Variants in SYT16 observed in about 807,000 individuals in gnomAD.
SYT16 encodes synaptotagmin-16.
Under a neutral mutation model 61.4 loss-of-function variants are expected in SYT16, and 42 were observed. The observed-to-expected ratio is 0.68, with a 90% confidence interval of 0.53 to 0.89. SYT16 has a LOEUF of 0.89. Ranked by LOEUF, SYT16 falls within the 40% of genes least tolerant of loss-of-function variation. The pLI, the probability that SYT16 is intolerant of heterozygous loss-of-function variation, is 0.00. For synonymous variants in SYT16, 314 were observed against 302.3 expected, an observed-to-expected ratio of 1.04 and a Z score of -0.40; for missense variants, 804 against 807.3, an observed-to-expected ratio of 1.00 and a Z score of 0.05.
rs1013928290 is a variant in SYT16, at chr14:62,112,026, AT to A, written c.*11325del. On this transcript the variant is annotated 3_prime_UTR_variant, in exon 8 of 8. Transcript: ENST00000683842. Reference sequence around the variant, plus strand: ...TTTGTGTATAGGAAAAGGTGTGGAAATTTTTTAATTGTTAAAAACTGGAATA... The same window carrying A: ...TTTGTGTATAGGAAAAGGTGTGGAAATTTTTAATTGTTAAAAACTGGAATA... 1 of 152,104 alleles carries A rather than the reference AT, an allele frequency of 6.6e-6. No homozygotes were observed. Among genetic ancestry groups the A allele is most frequent in the Non-Finnish European group, 1.5e-5 (1 of 67,976 alleles). The allele number at this position is 152,104 out of a possible 1,614,324, so 9.4% of individuals were successfully genotyped here.
At chr14:61,912,856 G>A (rs1174233230) in intron 1 of SYT16, among the ~76,000 whole-genome samples, 3 of 152,168 alleles carry the variant, frequency 2.0e-5, no homozygotes, top group Non-Finnish European at 4.4e-5. Context: ...GACAGAAACA[G>A]AATGAACTAA....
At chr14:61,916,950 A>G (rs1002123934) in intron 1 of SYT16, among the ~76,000 whole-genome samples, 4 of 152,120 alleles carry the variant, frequency 2.6e-5, no homozygotes, top group African/African-American at 9.7e-5. Flanking sequence ...ATAGTATTTT[A>G]TTGTGTATAT....
intron 3 of SYT16, among the ~76,000 whole-genome samples, chr14:62,047,104 C>G (rs2055027153): frequency 6.6e-6 from 1 of 150,970 alleles, no homozygotes; most frequent in Non-Finnish European, 1.5e-5. Flanking sequence ...TGTTTGTATC[C>G]TCTTTCATTG....
At chr14:61,948,043 C>G (rs1253571654) in intron 1 of SYT16, among the ~76,000 whole-genome samples, 1 of 152,102 alleles carries the variant, frequency 6.6e-6, no homozygotes, top group Non-Finnish European at 1.5e-5. Flanking sequence ...GCTTGGTAAC[C>G]AAACTGGAAA....
At chr14:61,823,111 G>C (rs941469511) in intron 1 of SYT16, among the ~76,000 whole-genome samples, 1 of 152,052 alleles carries the variant, frequency 6.6e-6, no homozygotes, top group Non-Finnish European at 1.5e-5. Flanking sequence ...TCCTGCCTCA[G>C]CCTCCTGAGT....
intron 3 of SYT16, among the ~76,000 whole-genome samples, chr14:62,013,990 T>TC (rs1166192977): frequency 6.6e-6 from 1 of 151,842 alleles, no homozygotes; most frequent in East Asian, 1.9e-4. Context: ...TGTTGACTAT[T>TC]CCCCCCATGA....
rs2057518723 is a variant in SYT16 at position 62,106,635 on chromosome 14, T to C, written c.*5928T>C. 1 of 152,212 alleles carries C rather than the reference T, an allele frequency of 6.6e-6. No homozygotes were observed. The highest frequency in any genetic ancestry group is 2.4e-5 in the African/African-American group (1 of 41,456). The allele number at this position is 152,212 out of a possible 1,614,324, so 9.4% of individuals were successfully genotyped here. A position where few individuals can be genotyped will look rare whatever the true frequency, so the allele number is the denominator to read the frequency against. On this transcript the variant is annotated 3_prime_UTR_variant, in exon 8 of 8. Transcript: ENST00000683842. ...TGGACATTTTTTCCACATTGATTTT[T>C]CTCTGCATCATAGAAAGTTTTCTCT...
chr14:61,899,547 G>A (rs572161177), intron 1 of SYT16, among the ~76,000 whole-genome samples: 3 of 152,206 alleles, frequency 2.0e-5, no homozygotes, highest in Non-Finnish European at 4.4e-5. Context: ...AAGGTACAAA[G>A]CATCAGTAAG....
At chr14:62,042,014 CT>C (rs1396225686) in intron 3 of SYT16, among the ~76,000 whole-genome samples, 1 of 152,160 alleles carries the variant, frequency 6.6e-6, no homozygotes, top group African/African-American at 2.4e-5. Context: ...CAGGTTCAAT[CT>C]GTTGTCTAGT....
At chr14:62,085,142 C>T (rs982952649) in intron 7 of SYT16, among the ~76,000 whole-genome samples, 3 of 152,144 alleles carry the variant, frequency 2.0e-5, no homozygotes, top group Non-Finnish European at 2.9e-5. Flanking sequence ...TCAGTTGCCT[C>T]AACAGCCTCT....
chr14:61,847,675 C>T (rs2046484726), intron 1 of SYT16, among the ~76,000 whole-genome samples: 1 of 152,168 alleles, frequency 6.6e-6, no homozygotes, highest in South Asian at 2.1e-4. Context: ...TCCATCTCCT[C>T]TTTATGGCCA....
chr14:62,074,433 T>C (rs1027675927), intron 4 of SYT16, among the ~76,000 whole-genome samples: 1 of 151,830 alleles, frequency 6.6e-6, no homozygotes, highest in Non-Finnish European at 1.5e-5. Flanking sequence ...CAGTGGAAAA[T>C]GGGGTTGGAT....
At chr14:61,936,325 A>C (rs2049979749) in intron 1 of SYT16, among the ~76,000 whole-genome samples, 1 of 151,994 alleles carries the variant, frequency 6.6e-6, no homozygotes, top group Non-Finnish European at 1.5e-5. Flanking sequence ...CCAGCAAAGA[A>C]AAAAGTACTG....
At chr14:61,856,155 G>A (rs2046768292) in intron 1 of SYT16, among the ~76,000 whole-genome samples, 1 of 152,236 alleles carries the variant, frequency 6.6e-6, no homozygotes, top group African/African-American at 2.4e-5. Flanking sequence ...GAAACTGGCA[G>A]GAAGGCTTTG....
intron 1 of SYT16, among the ~76,000 whole-genome samples, chr14:61,851,487 C>A (rs2046619162): frequency 6.6e-6 from 1 of 152,210 alleles, no homozygotes; most frequent in African/African-American, 2.4e-5. Flanking sequence ...AATCACCACA[C>A]TGTCTTCCAC....
In SYT16 at chr14:62,109,053, C is replaced by T. The variant is rs559064263; in HGVS notation, c.*8346C>T. On this transcript the variant is annotated 3_prime_UTR_variant, in exon 8 of 8. Transcript: ENST00000683842. ...ACATTATCACCCAAAGTGCATAGTT[C>T]ATATTAAGGTTCACTCTTGGTGTTG... The T allele has an allele frequency of 5.3e-5, 8 of 152,272 alleles. 1 individual carries two copies. The South Asian group carries it at 1.7e-3, about 32-fold the overall frequency. The allele number at this position is 152,272 out of a possible 1,614,324, so 9.4% of individuals were successfully genotyped here.
chr14:61,873,952 G>A (rs2047408639), intron 1 of SYT16, among the ~76,000 whole-genome samples: 1 of 152,158 alleles, frequency 6.6e-6, no homozygotes, highest in African/African-American at 2.4e-5. Context: ...AGTGTTTTAA[G>A]TAAAGGAGAA....
intron 1 of SYT16, among the ~76,000 whole-genome samples, chr14:61,938,977 A>T (rs553878287): frequency 8.1e-4 from 123 of 152,304 alleles, no homozygotes; most frequent in Middle Eastern, 3.4e-3. Flanking sequence ...TCTACTAAAA[A>T]TACAAAAATT....
At chr14:61,878,642 G>C (rs1055774664) in intron 1 of SYT16, among the ~76,000 whole-genome samples, 3 of 152,172 alleles carry the variant, frequency 2.0e-5, no homozygotes, top group Non-Finnish European at 4.4e-5. Context: ...CAAAACCTGG[G>C]TTTTTGAAGT....
Sources: gnomAD v4.1 joint callset for allele counts (sites outside exome capture counted in the v4.1 genomes callset) on GRCh38, gnomAD v4.1.1 for gene constraint, MANE v1.5 for transcripts, NCBI Gene and HGNC (gene_info 2026-07-23, HGNC 2026-07-21) for gene names.